The following SHCBP1L variants were observed in gnomAD, a reference collection of about 807,000 sequenced individuals.
SHCBP1L encodes the protein testicular spindle-associated protein SHCBP1L.
SHCBP1L carries 67 observed loss-of-function variants against 62.5 expected under a neutral mutation model. The ratio of observed to expected loss-of-function variants is 1.07; its 90% CI spans 0.88 to 1.31. The LOEUF (loss-of-function observed/expected upper bound fraction) is 1.31. Ranked by LOEUF, SHCBP1L falls within the 40% of genes most tolerant of loss-of-function variation. The probability of loss-of-function intolerance (pLI) is 0.00; values close to 1 mark genes in which losing one functional copy is unlikely to be tolerated. For missense variants in SHCBP1L, 823 were observed against 809.8 expected (o/e 1.02, Z -0.20); for synonymous variants, 284 against 289.4 (o/e 0.98, Z 0.19).
chr1:182,906,818 G>A (rs1650031019), intron 6 of SHCBP1L, among the ~76,000 whole-genome samples: 1 of 151,750 alleles, frequency 6.6e-6, no homozygotes, highest in African/African-American at 2.4e-5. Flanking sequence ...AGACTGGAGG[G>A]CTTTATTTAT....
rs1557996529 is a variant in SHCBP1L, at chr1:182,924,699, A to AGGAAAGGAAAGGAAAGGAAG, written c.1182+4947_1182+4948insCTTCCTTTCCTTTCCTTTCC. On this transcript the variant is annotated intron_variant, in intron 6 of 9. Transcript: ENST00000367547. ...AAGAAAGGAAAGGAAAGGAAAGGAA[A>AGGAAAGGAAAGGAAAGGAAG]GGAAGAAAGAAAGAAAGAAAGAAAG... 1.9e-3 allele frequency among the ~76,000 whole-genome samples: 191 copies of AGGAAAGGAAAGGAAAGGAAG among 98,048 alleles called. 7 individuals are homozygous for AGGAAAGGAAAGGAAAGGAAG. Among genetic ancestry groups the AGGAAAGGAAAGGAAAGGAAG allele is most frequent in the African/African-American group, 9.1e-3 (175 of 19,258 alleles). The allele number at this position is 98,048 out of a possible 152,430, so 64.3% of individuals were successfully genotyped here. A position where few individuals can be genotyped will look rare whatever the true frequency, so the allele number is the denominator to read the frequency against.
Position 182,938,419 on chromosome 1 carries a change from AT to A in SHCBP1L, c.1076+756del, listed in dbSNP as rs1166431676. ...GCACCCAGCTTGTGCTTCTTCTTTT[AT>A]TTTTTTCTTTTAAGAGACAGGGTCA... On this transcript the variant is annotated intron_variant, in intron 5 of 9. Coordinates refer to ENST00000367547, the MANE Select transcript of SHCBP1L (RefSeq NM_030933.4). Among the ~76,000 whole-genome samples the A allele has an allele frequency of 2.0e-5, 3 of 148,922 alleles. No homozygotes were observed. In the Admixed American group the frequency reaches 2.0e-4, roughly 10 times the overall value.
rs1385404517 is a variant in SHCBP1L, at chr1:182,903,147, T to C, written c.1602A>G (p.Glu534=). 3.1e-6 allele frequency: 5 copies of C among 1,591,294 alleles called. No homozygotes were observed. The highest frequency in any genetic ancestry group is 4.3e-6 in the Non-Finnish European group (5 of 1,168,644). Residue 534 remains glutamate (E), a synonymous_variant, in exon 9 of 10, where the codon GAA becomes GAG. Coordinates refer to ENST00000367547, the MANE Select transcript of SHCBP1L (RefSeq NM_030933.4). ...EITGAQGAGV[E]LYPGSIAILE... The stretch of plus-strand genomic sequence containing the variant: ...AAATAGCTATGCTTCCAGGATACAG[T>C]TCAACACCAGCACCCTGTAAATTAA...
intron 5 of SHCBP1L, among the ~76,000 whole-genome samples, chr1:182,938,011 G>T (rs1330817972): frequency 6.6e-6 from 1 of 152,162 alleles, no homozygotes; most frequent in Admixed American, 6.5e-5. Flanking sequence ...ATATTAATCT[G>T]GCTAGGTTGT....
chr1:182,927,496 C>T (rs1650809510), intron 6 of SHCBP1L, among the ~76,000 whole-genome samples: 1 of 152,020 alleles, frequency 6.6e-6, no homozygotes, highest in South Asian at 2.1e-4. Context: ...CGGGGTGAAA[C>T]CCCGTCTCTA....
intron 5 of SHCBP1L, among the ~76,000 whole-genome samples, chr1:182,936,447 G>C (rs1173709034): frequency 6.6e-6 from 1 of 151,890 alleles, no homozygotes; most frequent in Non-Finnish European, 1.5e-5. Context: ...GCCTCTTCTA[G>C]TTTTAATTTA....
chr1:182,915,113 G>T (rs1239149609), intron 6 of SHCBP1L, among the ~76,000 whole-genome samples: 1 of 119,482 alleles, frequency 8.4e-6, no homozygotes, highest in Non-Finnish European at 1.6e-5. Flanking sequence ...AGTGAGCTGA[G>T]ATCGCACCAT....
intron 5 of SHCBP1L, among the ~76,000 whole-genome samples, chr1:182,937,817 G>C (rs1351366937): frequency 6.6e-6 from 1 of 152,068 alleles, no homozygotes; most frequent in Non-Finnish European, 1.5e-5. Context: ...AGCTATTGAT[G>C]AATTTTAAAT....
rs1650062361 is a variant in SHCBP1L, at chr1:182,907,772, T to C, written c.1183-2123A>G. 2.6e-5 allele frequency among the ~76,000 whole-genome samples: 4 copies of C among 151,732 alleles called. 1 individual carries two copies. Among genetic ancestry groups the C allele is most frequent in the Admixed American group, 1.3e-4 (2 of 15,238 alleles). On this transcript the variant is annotated intron_variant, in intron 6 of 9. Transcript: ENST00000367547. Reference sequence around the variant, plus strand: ...TTTTGTATTTTTAGTGGAGACGGGGTTTCACCATGTTGGCCAGGCTGGTCT... The same window carrying C: ...TTTTGTATTTTTAGTGGAGACGGGGCTTCACCATGTTGGCCAGGCTGGTCT...
chr1:182,927,998 G>T (rs1458837972), intron 6 of SHCBP1L, among the ~76,000 whole-genome samples: 2 of 152,252 alleles, frequency 1.3e-5, no homozygotes, highest in East Asian at 3.9e-4. Context: ...ATAAAAGCAA[G>T]ATTTATACCT....
intron 5 of SHCBP1L, among the ~76,000 whole-genome samples, chr1:182,936,743 A>G (rs1651188880): frequency 1.3e-5 from 2 of 152,046 alleles, no homozygotes; most frequent in African/African-American, 4.8e-5. Context: ...TATCTTTTAG[A>G]TCAATCAACA....
chr1:182,949,374 A>G (rs1225216777), intron 2 of SHCBP1L, among the ~76,000 whole-genome samples: 1 of 152,106 alleles, frequency 6.6e-6, no homozygotes, highest in Non-Finnish European at 1.5e-5. Context: ...AAGCTACTCA[A>G]AGTCTGAAGA....
At chr1:182,924,245 G>T (rs143464706) in intron 6 of SHCBP1L, among the ~76,000 whole-genome samples, 1 of 150,838 alleles carries the variant, frequency 6.6e-6, no homozygotes, top group East Asian at 1.9e-4. Flanking sequence ...AGAAATAAGA[G>T]ACAACACAAA....
Position 182,904,232 on chromosome 1 carries a change from A to G in SHCBP1L, c.1535T>C (p.Val512Ala). The G allele has an allele frequency of 1.9e-6, 3 of 1,614,160 alleles. No individual in the cohort carries two copies. Among genetic ancestry groups the G allele is most frequent in the Non-Finnish European group, 2.5e-6 (3 of 1,180,032 alleles). Reference protein sequence around the residue: ...ILKCEGTGVCVLTGAALTITD... With the variant: ...ILKCEGTGVCALTGAALTITD... ...AATTGTCAAAGCAGCCCCTGTAAGA[A>G]CACACACTCCTGTTCCTTCACATTT... The change falls in exon 8 of 10, where the codon GTT (valine) becomes GCT (alanine). Residue 512 changes from valine (V) to alanine (A), a missense_variant. Coordinates refer to ENST00000367547, the MANE Select transcript of SHCBP1L (RefSeq NM_030933.4).
At chr1:182,944,036 G>A (rs1480835653) in intron 2 of SHCBP1L, among the ~76,000 whole-genome samples, 1 of 151,568 alleles carries the variant, frequency 6.6e-6, no homozygotes, top group African/African-American at 2.4e-5. Flanking sequence ...CAGGAGAATA[G>A]CTTGAACCTG....
At chr1:182,943,684 A>G (rs1158394403) in intron 2 of SHCBP1L, among the ~76,000 whole-genome samples, 2 of 147,912 alleles carry the variant, frequency 1.4e-5, no homozygotes, top group Non-Finnish European at 3.0e-5. Context: ...TCGACCTCAG[A>G]TGATCCACCC....
At chr1:182,925,556 T>TA (rs1387575675) in intron 6 of SHCBP1L, among the ~76,000 whole-genome samples, 1 of 151,978 alleles carries the variant, frequency 6.6e-6, no homozygotes, top group African/African-American at 2.4e-5. Context: ...AAATAAATAA[T>TA]AAAAAAAGAT....
intron 6 of SHCBP1L, among the ~76,000 whole-genome samples, chr1:182,927,782 A>G (rs970411926): frequency 9.9e-5 from 15 of 152,112 alleles, no homozygotes; most frequent in Non-Finnish European, 1.8e-4. Flanking sequence ...CTGGAAGCTG[A>G]TGATACTTTC....
rs969419730 is a variant in SHCBP1L, at chr1:182,938,782, T to C, written c.1076+394A>G. Among the ~76,000 whole-genome samples, 8 of 152,222 alleles carry C rather than the reference T, an allele frequency of 5.3e-5. No homozygotes were observed. The South Asian group carries it at 1.0e-3, about 20-fold the overall frequency. ...GGCCACCATGTCCAGCCTGTCTTTG[T>C]GCTTCTTTTAAAAACTGTTATGTAG... On this transcript the variant is annotated intron_variant, in intron 5 of 9. Transcript: ENST00000367547.
Sources: gnomAD v4.1 joint callset for allele counts (sites outside exome capture counted in the v4.1 genomes callset) on GRCh38, gnomAD v4.1.1 for gene constraint, MANE v1.5 for transcripts, NCBI Gene and HGNC (gene_info 2026-07-23, HGNC 2026-07-21) for gene names.